Variants in CACNB2 observed in about 807,000 individuals in gnomAD.
CACNB2 encodes the protein calcium voltage-gated channel auxiliary subunit beta 2.
CACNB2 carries 42 observed loss-of-function variants against 73.3 expected under a neutral mutation model. The observed-to-expected ratio is 0.57, with a 90% confidence interval of 0.45 to 0.74. The LOEUF (loss-of-function observed/expected upper bound fraction) is 0.74, where lower values mean the gene tolerates loss of function less well. Among genes scored for constraint, CACNB2 ranks in the 30% least tolerant of loss-of-function variants. The pLI is 0.00. For synonymous variants in CACNB2, 348 were observed against 310.3 expected, an observed-to-expected ratio of 1.12 and a Z score of -1.28; for missense variants, 940 against 853.0, an observed-to-expected ratio of 1.10 and a Z score of -1.27.
At chr10:18,321,814 CCT>C (rs963441232) in intron 2 of CACNB2, among the ~76,000 whole-genome samples, 1 of 152,028 alleles carries the variant, frequency 6.6e-6, no homozygotes, top group African/African-American at 2.4e-5. Flanking sequence ...GCCCTCTGCC[CCT>C]CTTTTTGAAT....
chr10:18,390,997 C>T (rs368399398), intron 2 of CACNB2, among the ~76,000 whole-genome samples: 1 of 152,294 alleles, frequency 6.6e-6, no homozygotes, highest in East Asian at 1.9e-4. Context: ...GGAAAAGAAG[C>T]TTCACAAAAA....
intron 2 of CACNB2, among the ~76,000 whole-genome samples, chr10:18,273,689 C>G (rs1442758008): frequency 6.6e-6 from 1 of 152,072 alleles, no homozygotes; most frequent in Non-Finnish European, 1.5e-5. Flanking sequence ...AGAGTAGGGA[C>G]TCAGTATTTG....
chr10:18,462,620 A>C (rs1047622360), intron 3 of CACNB2, among the ~76,000 whole-genome samples: 2 of 152,048 alleles, frequency 1.3e-5, no homozygotes, highest in African/African-American at 4.8e-5. Flanking sequence ...GGACTTTTAT[A>C]CCTTTCCCTG....
chr10:18,371,248 C>T (rs1195343261), intron 2 of CACNB2, among the ~76,000 whole-genome samples: 4 of 151,850 alleles, frequency 2.6e-5, no homozygotes, highest in East Asian at 1.9e-4. Flanking sequence ...GGTACATGTA[C>T]ACAACGTGCA....
chr10:18,404,108 T>C (rs2044155451), intron 3 of CACNB2, among the ~76,000 whole-genome samples: 2 of 152,176 alleles, frequency 1.3e-5, no homozygotes, highest in South Asian at 4.1e-4. Context: ...TATACACATC[T>C]ATGTACCCAT....
Position 18,307,983 on chromosome 10 carries a change from C to CTTTTTTT in CACNB2, c.214-93920_214-93914dup, listed in dbSNP as rs869311555. ...TTAAGTCTAAAATAATATATGCCAA[C>CTTTTTTT]TTTTTTTTTTTTTTTTTTTTTTTTT... On this transcript the variant is annotated intron_variant, in intron 2 of 13. Coordinates refer to ENST00000324631, the MANE Select transcript of CACNB2 (RefSeq NM_201596.3). Among the ~76,000 whole-genome samples the CTTTTTTT allele has an allele frequency of 1.1e-3, 75 of 70,224 alleles. 23 individuals carry two copies. The highest frequency in any genetic ancestry group is 2.2e-3 in the African/African-American group (37 of 16,756). The allele number at this position is 70,224 out of a possible 152,430, so 46.1% of individuals were successfully genotyped here.
At chr10:18,441,179 T>G (rs562410756) in intron 3 of CACNB2, among the ~76,000 whole-genome samples, 2 of 151,740 alleles carry the variant, frequency 1.3e-5, no homozygotes, top group East Asian at 3.9e-4. Context: ...CCAAGGAGGG[T>G]AGATCACCCA....
chr10:18,505,264 T>TG (rs2050427492), intron 5 of CACNB2, among the ~76,000 whole-genome samples: 2 of 151,592 alleles, frequency 1.3e-5, no homozygotes, highest in South Asian at 4.2e-4. Context: ...AAAAAACTTC[T>TG]GGGGAAAAAA....
intron 7 of CACNB2, among the ~76,000 whole-genome samples, chr10:18,517,627 C>T (rs1046128060): frequency 6.6e-6 from 1 of 152,112 alleles, no homozygotes; most frequent in African/African-American, 2.4e-5. Context: ...ATCACCTTCC[C>T]TCGAAGACAC....
intron 2 of CACNB2, among the ~76,000 whole-genome samples, chr10:18,153,414 C>G (rs2031766775): frequency 6.6e-6 from 1 of 152,048 alleles, no homozygotes; most frequent in South Asian, 2.1e-4. Flanking sequence ...AATTTAATCT[C>G]TATTCTGTTA....
At chr10:18,183,753 A>G (rs1436954482) in intron 2 of CACNB2, among the ~76,000 whole-genome samples, 1 of 152,190 alleles carries the variant, frequency 6.6e-6, no homozygotes, top group Non-Finnish European at 1.5e-5. Flanking sequence ...CGTATCAGCC[A>G]CATATATGGA....
chr10:18,151,164 C>T, intron 2 of CACNB2, 189 bp downstream of exon 2: 1 of 531,762 alleles, frequency 1.9e-6, no homozygotes, highest in Non-Finnish European at 3.3e-6. Context: ...GTAATAATTA[C>T]ACTCTTTCCT....
rs902730864 is a variant in CACNB2, at chr10:18,523,503, T to C, written c.945-4085T>C. 9.2e-5 allele frequency among the ~76,000 whole-genome samples: 14 copies of C among 152,218 alleles called. 1 individual carries two copies. The highest frequency in any genetic ancestry group is 2.7e-4 in the African/African-American group (11 of 41,460). On this transcript the variant is annotated intron_variant, in intron 9 of 13. Transcript: ENST00000324631. ...TCTGTTATTTCTAGCCAGAAGTAAC[T>C]TTCATATGGTTTAATTAATAGACCT...
chr10:18,534,021 T>G, intron 10 of CACNB2, 55 bp from the exon 11 acceptor site: 1 of 1,579,062 alleles, frequency 6.3e-7, no homozygotes, highest in East Asian at 2.2e-5. Context: ...CAGTATACCA[T>G]TTTACTTTAT....
intron 1 of CACNB2, among the ~76,000 whole-genome samples, chr10:18,142,340 G>A (rs1018972253): frequency 1.3e-5 from 2 of 152,190 alleles, no homozygotes; most frequent in African/African-American, 4.8e-5. Flanking sequence ...TTCACAAGCC[G>A]AGTAGGGACA....
At chr10:18,454,856 TAGAA>T (rs1564568313) in intron 3 of CACNB2, among the ~76,000 whole-genome samples, 4 of 152,042 alleles carry the variant, frequency 2.6e-5, no homozygotes. Flanking sequence ...CTGGGCAACA[TAGAA>T]AGACTGCCCC....
intron 2 of CACNB2, among the ~76,000 whole-genome samples, chr10:18,363,744 G>A (rs1178329290): frequency 1.3e-5 from 2 of 151,564 alleles, no homozygotes; most frequent in Non-Finnish European, 2.9e-5. Flanking sequence ...GTGACACTTG[G>A]TATGGCACCT....
At chr10:18,402,927 T>G (rs2044084075) in intron 3 of CACNB2, among the ~76,000 whole-genome samples, 1 of 152,210 alleles carries the variant, frequency 6.6e-6, no homozygotes, top group Admixed American at 6.5e-5. Flanking sequence ...CTGCCTCATC[T>G]CTGAGATGAG....
At chr10:18,373,064 C>A (rs1182381685) in intron 2 of CACNB2, among the ~76,000 whole-genome samples, 1 of 152,104 alleles carries the variant, frequency 6.6e-6, no homozygotes, top group African/African-American at 2.4e-5. Context: ...GATTCTCCCA[C>A]CATGGCCTCC....
Sources: gnomAD v4.1 joint callset for allele counts (sites outside exome capture counted in the v4.1 genomes callset) on GRCh38, gnomAD v4.1.1 for gene constraint, MANE v1.5 for transcripts, NCBI Gene and HGNC (gene_info 2026-07-23, HGNC 2026-07-21) for gene names.